SCHIP1: variants seen among roughly 807,000 people sequenced by gnomAD.
SCHIP1 encodes the protein schwannomin interacting protein 1.
SCHIP1 carries 8 observed loss-of-function variants against 29.7 expected under a neutral mutation model. The ratio of observed to expected loss-of-function variants is 0.27; its 90% confidence interval spans 0.16 to 0.49. SCHIP1 has a LOEUF of 0.49. Ranked by LOEUF, SCHIP1 falls within the 20% of genes least tolerant of loss-of-function variation. The pLI, the probability that SCHIP1 is intolerant of heterozygous loss-of-function variation, is 0.99. For synonymous variants in SCHIP1, 76 were observed against 94.9 expected (o/e 0.80, Z 1.16); for missense variants, 193 against 294.6 (o/e 0.66, Z 2.52).
the SCHIP1 span, among the ~76,000 whole-genome samples, chr3:159,673,780 AAAC>A: frequency 3.9e-5 from 6 of 152,126 alleles, no homozygotes; most frequent in African/African-American, 1.4e-4. Context: ...TTAATATTAA[AAAC>A]AACAACAACA....
the SCHIP1 span, among the ~76,000 whole-genome samples, chr3:159,411,088 C>A: frequency 6.6e-6 from 1 of 151,662 alleles, no homozygotes; most frequent in South Asian, 2.1e-4. Flanking sequence ...CAATTGAACT[C>A]ATGGAGACAG....
chr3:159,781,158 T>G, the SCHIP1 span, among the ~76,000 whole-genome samples: 2 of 152,198 alleles, frequency 1.3e-5, no homozygotes, highest in African/African-American at 4.8e-5. Flanking sequence ...ATGTTCTGAA[T>G]CCATTTTGGA....
chr3:159,808,818 G>A, the SCHIP1 span, among the ~76,000 whole-genome samples: 6 of 152,074 alleles, frequency 3.9e-5, no homozygotes, highest in East Asian at 1.9e-4. Flanking sequence ...TTAGCTGGGC[G>A]TATTGGCACA....
At chr3:159,661,305 T>C in the SCHIP1 span, among the ~76,000 whole-genome samples, 2 of 152,124 alleles carry the variant, frequency 1.3e-5, no homozygotes, top group African/African-American at 4.8e-5. Context: ...TTAGAGGCAT[T>C]TTCCATGTAT....
At chr3:159,481,342 G>GATAC in the SCHIP1 span, among the ~76,000 whole-genome samples, 2 of 152,128 alleles carry the variant, frequency 1.3e-5, no homozygotes, top group African/African-American at 4.8e-5. Flanking sequence ...AGTTTTAGGT[G>GATAC]ATACAGTCTA....
the SCHIP1 span, among the ~76,000 whole-genome samples, chr3:159,514,149 A>G: frequency 6.6e-6 from 1 of 152,316 alleles, no homozygotes; most frequent in African/African-American, 2.4e-5. Flanking sequence ...CTTCCCTCAC[A>G]GGCAGGTCCA....
At chr3:159,693,452 A>G in the SCHIP1 span, among the ~76,000 whole-genome samples, 1 of 152,202 alleles carries the variant, frequency 6.6e-6, no homozygotes, top group Non-Finnish European at 1.5e-5. Context: ...GACCAAGTAG[A>G]TAAAGTTATC....
At chr3:159,281,728 T>G in the SCHIP1 span, among the ~76,000 whole-genome samples, 1 of 152,190 alleles carries the variant, frequency 6.6e-6, no homozygotes, top group Non-Finnish European at 1.5e-5. Context: ...ATGGCATTGT[T>G]TCTAAACTAC....
At chr3:159,522,923 A>G in the SCHIP1 span, among the ~76,000 whole-genome samples, 1 of 152,166 alleles carries the variant, frequency 6.6e-6, no homozygotes, top group Non-Finnish European at 1.5e-5. Flanking sequence ...TCAGTTTTCT[A>G]TATCTTAATA....
At chr3:159,478,355 G>A in the SCHIP1 span, among the ~76,000 whole-genome samples, 5 of 152,272 alleles carry the variant, frequency 3.3e-5, 1 homozygote, top group South Asian at 1.0e-3. Context: ...TTCATTGGAT[G>A]TTCTTGGCAC....
the SCHIP1 span, chr3:159,765,585 G>C: frequency 6.2e-6 from 1 of 162,094 alleles, no homozygotes; most frequent in Non-Finnish European, 1.3e-5. Context: ...CCATATATAG[G>C]CTTGTTCCTA....
chr3:159,334,900 CTTT>C, the SCHIP1 span, among the ~76,000 whole-genome samples: 1 of 146,074 alleles, frequency 6.8e-6, no homozygotes. Flanking sequence ...TCTTCTTCTT[CTTT>C]TTTTTTTTTA....
At chr3:159,403,775 A>G in the SCHIP1 span, among the ~76,000 whole-genome samples, 1 of 152,264 alleles carries the variant, frequency 6.6e-6, no homozygotes, top group South Asian at 2.1e-4. Context: ...AAGCCAGTGG[A>G]ATTGGGGGAC....
chr3:159,337,714 C>G, the SCHIP1 span, among the ~76,000 whole-genome samples: 2 of 152,056 alleles, frequency 1.3e-5, no homozygotes, highest in African/African-American at 2.4e-5. Context: ...AACTTTCCAC[C>G]CAAATTGTTC....
the SCHIP1 span, chr3:159,764,573 G>A: frequency 6.2e-7 from 1 of 1,605,818 alleles, no homozygotes; most frequent in East Asian, 2.2e-5. The surrounding 1 kb of genome is among the most constrained non-coding windows in gnomAD (Gnocchi z 6.1). Context: ...TCGTCGCCGG[G>A]GGGCAGCCTG....
the SCHIP1 span, among the ~76,000 whole-genome samples, chr3:159,382,522 G>A: frequency 4.6e-5 from 7 of 152,040 alleles, no homozygotes; most frequent in Admixed American, 6.6e-5. Flanking sequence ...GGATATTTGG[G>A]TTGGTCCCAA....
the SCHIP1 span, among the ~76,000 whole-genome samples, chr3:159,520,470 G>T: frequency 1.3e-5 from 2 of 152,212 alleles, no homozygotes; most frequent in Admixed American, 6.5e-5. Flanking sequence ...GATCTGACTT[G>T]TGTGAAGTCT....
intron 1 of SCHIP1, among the ~76,000 whole-genome samples, chr3:159,843,534 T>C (rs920188213): frequency 3.3e-5 from 5 of 152,020 alleles, no homozygotes; most frequent in South Asian, 2.1e-4. Context: ...AAAAAGGCAT[T>C]GTAAGGCAGG....
chr3:159,749,732 A>G, the SCHIP1 span, among the ~76,000 whole-genome samples: 1 of 152,184 alleles, frequency 6.6e-6, no homozygotes, highest in Non-Finnish European at 1.5e-5. Flanking sequence ...CTTAATTTTG[A>G]AGGTTTTAAT....
Sources: gnomAD v4.1 joint callset for allele counts (sites outside exome capture counted in the v4.1 genomes callset) on GRCh38, gnomAD v4.1.1 for gene constraint, Gnocchi (gnomAD v3.1) non-coding constraint, MANE v1.5 for transcripts, NCBI Gene and HGNC (gene_info 2026-07-23, HGNC 2026-07-21) for gene names.